ZIM2: variants seen among roughly 807,000 people sequenced by gnomAD.
ZIM2 encodes the protein zinc finger protein 656.
A neutral mutation model predicts 38.6 loss-of-function variants in ZIM2; 14 were observed. The observed-to-expected ratio is 0.36, with a 90% CI of 0.24 to 0.57. The LOEUF is 0.57. ZIM2 is among the 20% of genes least tolerant of loss of function. ZIM2 has a pLI of 0.81. For missense variants in ZIM2, 680 were observed against 695.1 expected, an observed-to-expected ratio of 0.98 and a Z score of 0.24; for synonymous variants, 247 against 245.8, an observed-to-expected ratio of 1.00 and a Z score of -0.04.
chr19:56,780,241 T>C (rs1280326927), intron 11 of ZIM2, among the ~76,000 whole-genome samples: 1 of 132,356 alleles, frequency 7.6e-6, no homozygotes, highest in African/African-American at 2.9e-5. Context: ...TTATTTTCTT[T>C]TTTCTTTTTT....
At chr19:56,801,942 T>A (rs1411898629) in intron 9 of ZIM2, among the ~76,000 whole-genome samples, 2 of 152,098 alleles carry the variant, frequency 1.3e-5, no homozygotes, top group Admixed American at 6.5e-5. Flanking sequence ...TACCTATCCA[T>A]AAAGTACCAC....
intron 9 of ZIM2, chr19:56,791,095 T>C (rs1468640894): frequency 6.6e-6 from 1 of 152,216 alleles, no homozygotes; most frequent in African/African-American, 2.4e-5. Context: ...GCTTCATCAA[T>C]AACTCAGTGC....
At position 56,775,471 on chromosome 19, in the gene ZIM2, A is replaced by C. The variant is rs1248395791; in HGVS notation, c.894T>G (p.Thr298=). The part of the protein sequence containing the change: ...PHQGNQEKLL[T]PITMNDPKTL... ...TCTTGGGGTCATTCATTGTTATAGG[A>C]GTCAAAAGTTTCTCTTGGTTGCCCT... The change falls in exon 13 of 13, where the codon ACT becomes ACG. Residue 298 remains threonine (T), a synonymous_variant. Coordinates refer to ENST00000629319, the MANE Select transcript of ZIM2 (RefSeq NM_001387356.1). The C allele has an allele frequency of 6.2e-7, 1 of 1,613,830 alleles. No homozygotes were observed. The highest frequency in any genetic ancestry group is 1.1e-5 in the South Asian group (1 of 91,056).
At chr19:56,781,768 C>G (rs745402416) in intron 11 of ZIM2, among the ~76,000 whole-genome samples, 185 bp downstream of exon 11, 1 of 152,064 alleles carries the variant, frequency 6.6e-6, no homozygotes, top group Non-Finnish European at 1.5e-5. Flanking sequence ...ATGTCGTGCT[C>G]AAGAAATGTT....
At chr19:56,788,936 G>A (rs2046780355) in intron 10 of ZIM2, among the ~76,000 whole-genome samples, 1 of 150,858 alleles carries the variant, frequency 6.6e-6, no homozygotes. Context: ...CTGCTTGATC[G>A]ATTCGCTATT....
At chr19:56,807,709 C>T (rs1036411608) in intron 9 of ZIM2, among the ~76,000 whole-genome samples, 2 of 151,408 alleles carry the variant, frequency 1.3e-5, no homozygotes, top group African/African-American at 4.9e-5. Flanking sequence ...GAGGATCACT[C>T]GAGCCCAGGA....
At chr19:56,835,881 TG>T in intron 2 of ZIM2, 136 bp downstream of exon 2, 1 of 372,716 alleles carries the variant, frequency 2.7e-6, no homozygotes, top group Middle Eastern at 3.9e-4. Context: ...CAGAAGAGTC[TG>T]GGTGTTCTCA....
chr19:56,839,571 G>A (rs1296349197), intron 1 of ZIM2, among the ~76,000 whole-genome samples: 2 of 150,510 alleles, frequency 1.3e-5, no homozygotes, highest in Admixed American at 6.6e-5. Context: ...CGGGGCCTGA[G>A]TGGATAGTTA....
intron 2 of ZIM2, 140 bp downstream of exon 2, chr19:56,835,878 G>C: frequency 2.7e-6 from 1 of 370,874 alleles, no homozygotes; most frequent in Non-Finnish European, 5.6e-6. Flanking sequence ...CACCAGAAGA[G>C]TCTGGGTGTT....
intron 2 of ZIM2, among the ~76,000 whole-genome samples, chr19:56,829,210 G>T (rs2146479535): frequency 6.6e-6 from 1 of 152,148 alleles, no homozygotes; most frequent in Middle Eastern, 3.4e-3. Context: ...AATTAGCTGG[G>T]CGTGGTGGCA....
At chr19:56,795,418 G>A (rs2145947318) in intron 9 of ZIM2, among the ~76,000 whole-genome samples, 1 of 152,326 alleles carries the variant, frequency 6.6e-6, no homozygotes, top group African/African-American at 2.4e-5. Context: ...CCCTGGCTGG[G>A]CTACCCGCTC....
At chr19:56,810,127 A>G (rs75588968) in intron 9 of ZIM2, 7 of 964,148 alleles carry the variant, frequency 7.3e-6, no homozygotes, top group Middle Eastern at 5.3e-4. Flanking sequence ...TACAGATAGA[A>G]TGACCACAAC....
intron 9 of ZIM2, chr19:56,810,973 C>A: frequency 4.1e-6 from 4 of 972,970 alleles, no homozygotes; most frequent in Non-Finnish European, 4.9e-6. Flanking sequence ...ACCATAATTC[C>A]ACAAAGGTAA....
intron 9 of ZIM2, among the ~76,000 whole-genome samples, chr19:56,804,009 G>C (rs2047646250): frequency 1.3e-5 from 2 of 152,312 alleles, no homozygotes; most frequent in African/African-American, 2.4e-5. Flanking sequence ...CTTTATAACT[G>C]ATTTTGTGAA....
intron 2 of ZIM2, among the ~76,000 whole-genome samples, chr19:56,827,845 C>G (rs1279920086): frequency 6.6e-6 from 1 of 151,898 alleles, no homozygotes; most frequent in Non-Finnish European, 1.5e-5. Context: ...TTCTCAGAAA[C>G]TAAAAAAAGA....
At chr19:56,784,698 T>C (rs1336651309) in intron 10 of ZIM2, among the ~76,000 whole-genome samples, 3 of 152,220 alleles carry the variant, frequency 2.0e-5, no homozygotes, top group Non-Finnish European at 2.9e-5. Flanking sequence ...TATTAGCTAG[T>C]TGTAAGGCAT....
chr19:56,791,733 T>C (rs1434588657), intron 9 of ZIM2, among the ~76,000 whole-genome samples: 2 of 152,194 alleles, frequency 1.3e-5, no homozygotes, highest in African/African-American at 2.4e-5. Context: ...AAACAATACT[T>C]TGCTTTTAGT....
intron 9 of ZIM2, chr19:56,811,344 T>C: frequency 2.2e-6 from 2 of 890,996 alleles, no homozygotes; most frequent in Middle Eastern, 5.8e-4. Flanking sequence ...ATGAACAGCA[T>C]ATAAATGAAC....
chr19:56,818,764 T>C, intron 7 of ZIM2, 62 bp from the exon 8 acceptor site: 1 of 1,574,638 alleles, frequency 6.4e-7, no homozygotes, highest in Non-Finnish European at 8.7e-7. Context: ...AAAGACAGAA[T>C]AATGTTGGCA....
Sources: gnomAD v4.1 joint callset for allele counts (sites outside exome capture counted in the v4.1 genomes callset) on GRCh38, gnomAD v4.1.1 for gene constraint, MANE v1.5 for transcripts, NCBI Gene and HGNC (gene_info 2026-07-23, HGNC 2026-07-21) for gene names.